Variants in SSBP2 observed in about 807,000 individuals in gnomAD.
The protein encoded by SSBP2 is single stranded DNA binding protein 2, also known as single-stranded DNA-binding protein 2.
A neutral mutation model predicts 61.8 loss-of-function variants in SSBP2; 17 were observed. That is an observed-to-expected ratio of 0.28 (90% CI 0.19 to 0.41). The LOEUF (loss-of-function observed/expected upper bound fraction) is 0.41. SSBP2 is among the 10% of genes least tolerant of loss of function. The pLI is 1.00. For synonymous variants in SSBP2, 139 were observed against 141.3 expected, an observed-to-expected ratio of 0.98 and a Z score of 0.12; for missense variants, 310 against 458.7, an observed-to-expected ratio of 0.68 and a Z score of 2.96.
chr5:81,457,957 C>T (rs570909849), intron 10 of SSBP2, among the ~76,000 whole-genome samples: 15 of 152,214 alleles, frequency 9.9e-5, no homozygotes, highest in East Asian at 5.8e-4. Flanking sequence ...CCACTGCACC[C>T]GGCCAAAAAC....
chr5:81,564,337 C>A (rs538684046), intron 4 of SSBP2, among the ~76,000 whole-genome samples: 33 of 152,308 alleles, frequency 2.2e-4, no homozygotes, highest in African/African-American at 7.2e-4. Context: ...TTGAGAGTGC[C>A]TGCCTGAAAT....
intron 7 of SSBP2, among the ~76,000 whole-genome samples, chr5:81,474,189 G>A (rs1765439145): frequency 6.6e-6 from 1 of 152,146 alleles, no homozygotes; most frequent in African/African-American, 2.4e-5. Context: ...AAAGGCAAAA[G>A]AAATAATAAG....
chr5:81,725,023 A>G (rs1299991929), intron 1 of SSBP2, among the ~76,000 whole-genome samples: 1 of 152,196 alleles, frequency 6.6e-6, no homozygotes, highest in Admixed American at 6.5e-5. Flanking sequence ...AGGTGTGAAC[A>G]CAGGTAAGGT....
chr5:81,623,150 C>T (rs948283289), intron 3 of SSBP2, among the ~76,000 whole-genome samples: 2 of 151,888 alleles, frequency 1.3e-5, no homozygotes, highest in African/African-American at 4.8e-5. Flanking sequence ...ATCTTAAAAC[C>T]GAAGTTTTGT....
At chr5:81,613,837 C>T (rs917845515) in intron 4 of SSBP2, among the ~76,000 whole-genome samples, 5 of 150,758 alleles carry the variant, frequency 3.3e-5, no homozygotes, top group Non-Finnish European at 5.9e-5. Flanking sequence ...TGCTTTATTT[C>T]TTCTGTCAAC....
chr5:81,474,623 T>A (rs1765466659), intron 6 of SSBP2, 61 bp from the exon 7 acceptor site: 9 of 1,269,166 alleles, frequency 7.1e-6, no homozygotes, highest in South Asian at 1.4e-5. Context: ...ATAAGTTTTT[T>A]AACAATTTCC....
intron 5 of SSBP2, among the ~76,000 whole-genome samples, chr5:81,513,304 T>C (rs1423349231): frequency 1.3e-5 from 2 of 152,110 alleles, no homozygotes; most frequent in Non-Finnish European, 2.9e-5. Context: ...TTAATATCCA[T>C]CTCTTTCCAG....
chr5:81,526,325 T>C (rs578189890), intron 4 of SSBP2, among the ~76,000 whole-genome samples: 1 of 152,176 alleles, frequency 6.6e-6, no homozygotes, highest in Non-Finnish European at 1.5e-5. Context: ...AAATTGTTTA[T>C]TGTTTCACCC....
At chr5:81,551,987 G>T (rs554726990) in intron 4 of SSBP2, among the ~76,000 whole-genome samples, 4 of 152,224 alleles carry the variant, frequency 2.6e-5, no homozygotes, top group African/African-American at 7.2e-5. Flanking sequence ...ATCATAAAAG[G>T]TATCAGTGTA....
intron 4 of SSBP2, among the ~76,000 whole-genome samples, chr5:81,543,728 T>A (rs1196437837): frequency 6.6e-6 from 1 of 152,190 alleles, no homozygotes; most frequent in African/African-American, 2.4e-5. Context: ...CTATACATGC[T>A]ATATCCTACA....
chr5:81,715,120 T>C (rs1755086462), intron 1 of SSBP2, among the ~76,000 whole-genome samples: 1 of 151,942 alleles, frequency 6.6e-6, no homozygotes, highest in Admixed American at 6.6e-5. Flanking sequence ...ATGGGGATTC[T>C]AAAACACACC....
intron 4 of SSBP2, among the ~76,000 whole-genome samples, chr5:81,584,440 C>A (rs1774914798): frequency 1.3e-5 from 2 of 152,078 alleles, no homozygotes; most frequent in Non-Finnish European, 2.9e-5. Context: ...TAAAGCTTTG[C>A]TATCCTGAAT....
At chr5:81,735,158 T>TA (rs1201484500) in intron 1 of SSBP2, among the ~76,000 whole-genome samples, 2 of 152,102 alleles carry the variant, frequency 1.3e-5, no homozygotes, top group Non-Finnish European at 2.9e-5. Flanking sequence ...CAAATTATAT[T>TA]AAATATATAG....
chr5:81,623,303 G>C (rs947508174), intron 3 of SSBP2, among the ~76,000 whole-genome samples: 1 of 147,380 alleles, frequency 6.8e-6, no homozygotes, highest in Non-Finnish European at 1.5e-5. Flanking sequence ...TATTCCAATT[G>C]CATTACTTTT....
intron 10 of SSBP2, among the ~76,000 whole-genome samples, chr5:81,460,139 G>C (rs1299103496): frequency 1.3e-5 from 2 of 152,152 alleles, no homozygotes; most frequent in African/African-American, 4.8e-5. Context: ...TTAAACACTG[G>C]ATCGGTTTCA....
chr5:81,469,376 C>A, intron 8 of SSBP2, among the ~76,000 whole-genome samples: 1 of 151,932 alleles, frequency 6.6e-6, no homozygotes, highest in East Asian at 1.9e-4. Context: ...TAACTGCTAA[C>A]TCTTTTTTTT....
chr5:81,424,818 T>G (rs1761851174), intron 16 of SSBP2, among the ~76,000 whole-genome samples: 1 of 152,214 alleles, frequency 6.6e-6, no homozygotes, highest in Admixed American at 6.5e-5. Flanking sequence ...GAGTATCATA[T>G]TTAGAGACAT....
intron 1 of SSBP2, among the ~76,000 whole-genome samples, chr5:81,693,334 T>A (rs1464535931): frequency 6.6e-6 from 1 of 151,434 alleles, no homozygotes; most frequent in African/African-American, 2.4e-5. Flanking sequence ...TGGAATTACA[T>A]CAAGTTAAAA....
intron 15 of SSBP2, among the ~76,000 whole-genome samples, chr5:81,429,044 C>G (rs963306078): frequency 2.0e-5 from 3 of 152,134 alleles, no homozygotes; most frequent in Admixed American, 1.3e-4. Context: ...ACTGATAAGG[C>G]AAGATGGAAC....
Sources: gnomAD v4.1 joint callset for allele counts (sites outside exome capture counted in the v4.1 genomes callset) on GRCh38, gnomAD v4.1.1 for gene constraint, MANE v1.5 for transcripts, NCBI Gene and HGNC (gene_info 2026-07-23, HGNC 2026-07-21) for gene names.